The following EFR3B variants were observed in gnomAD, a reference collection of about 807,000 sequenced individuals.
EFR3B encodes the protein protein EFR3 homolog B.
EFR3B carries 64 observed loss-of-function variants against 104.7 expected under a neutral mutation model. The observed-to-expected ratio is 0.61, with a 90% CI of 0.50 to 0.75. The LOEUF is 0.75. EFR3B is among the 30% of genes least tolerant of loss of function. EFR3B has a pLI of 0.00. For missense variants in EFR3B, 750 were observed against 1,078.5 expected, an observed-to-expected ratio of 0.70 and a Z score of 4.27; for synonymous variants, 385 against 417.9, an observed-to-expected ratio of 0.92 and a Z score of 0.96.
rs1301205106 is a variant in EFR3B at position 25,158,074 on chromosome 2, A to C, written c.*3734A>C. 1.3e-5 allele frequency: 2 copies of C among 152,266 alleles called. No individual in the cohort carries two copies. Among genetic ancestry groups the C allele is most frequent in the African/African-American group, 2.4e-5 (1 of 41,464 alleles). The allele number at this position is 152,266 out of a possible 1,614,324, so 9.4% of individuals were successfully genotyped here. On this transcript the variant is annotated 3_prime_UTR_variant, in exon 23 of 23. Coordinates refer to ENST00000403714, the MANE Select transcript of EFR3B (RefSeq NM_014971.2). ...ACACGTTTCAGCTGGACTAAGAATC[A>C]GACTAGCCAGGGGTTCTTCTGAACA...
intron 4 of EFR3B, among the ~76,000 whole-genome samples, chr2:25,112,221 G>A (rs1669741632): frequency 6.6e-6 from 1 of 152,390 alleles, no homozygotes; most frequent in Admixed American, 6.5e-5. Flanking sequence ...ACGGCCCAAG[G>A]CATGGGGCTC....
Position 25,129,794 on chromosome 2 carries a change from A to G in EFR3B, c.636-181A>G, listed in dbSNP as rs1003097798. Among the ~76,000 whole-genome samples, 3 of 152,288 alleles carry G rather than the reference A, an allele frequency of 2.0e-5. No homozygotes were observed. In the East Asian group the frequency reaches 5.8e-4, roughly 29 times the overall value. The stretch of plus-strand genomic sequence containing the variant: ...TCTCCGGTCTTCCCCCACTTCCCCC[A>G]GTGGGGGCTTCTTTACCCCCATTTA... On this transcript the variant is annotated intron_variant, in intron 6 of 22. Transcript: ENST00000403714.
chr2:25,065,568 A>G (rs950625179), intron 1 of EFR3B, among the ~76,000 whole-genome samples: 7 of 151,982 alleles, frequency 4.6e-5, no homozygotes, highest in Non-Finnish European at 8.8e-5. Context: ...TTTCATAGTC[A>G]TTATTCACTT....
In EFR3B at chr2:25,135,571, C is replaced by A. The variant is rs1039216402; in HGVS notation, c.1416C>A (p.Leu472=). 3 of 1,551,906 alleles carry A rather than the reference C, an allele frequency of 1.9e-6. No individual in the cohort carries two copies. In the African/African-American group the frequency reaches 4.1e-5, roughly 21 times the overall value. Reference sequence around the variant, plus strand: ...TCATGGAGGATGCAGAAATTCGACTCTTTGTTCTAGAGATTCTCATCAGTT... The same window carrying A: ...TCATGGAGGATGCAGAAATTCGACTATTTGTTCTAGAGATTCTCATCAGTT... ...TALMEDAEIR[L]FVLEILISFI... The change falls in exon 13 of 23, where the codon CTC becomes CTA. Residue 472 remains leucine (L), a synonymous_variant. Transcript: ENST00000403714.
Position 25,141,386 on chromosome 2 carries a change from A to T in EFR3B, c.1875A>T (p.Lys625Asn). 1.3e-6 allele frequency: 2 copies of T among 1,551,534 alleles called. No homozygotes were observed. The highest frequency in any genetic ancestry group is 1.7e-6 in the Non-Finnish European group (2 of 1,146,906). ...HIHEVIETRK[K>N]EAPYMLPEDV... Reference sequence around the variant, plus strand: ...GCCAGGTGATAGAGACCAGGAAGAAAGAGGCTCCATACATGCTCCCCGAGG... The same window carrying T: ...GCCAGGTGATAGAGACCAGGAAGAATGAGGCTCCATACATGCTCCCCGAGG... The change falls in exon 17 of 23, where the codon AAA becomes AAT. Residue 625 changes from lysine to asparagine, a missense_variant. By Grantham distance (94) the Lys-to-Asn change is moderately conservative. Coordinates refer to ENST00000403714, the MANE Select transcript of EFR3B (RefSeq NM_014971.2).
rs748085410 is a variant in EFR3B at position 25,143,764 on chromosome 2, T to C, written c.1952T>C (p.Ile651Thr). The change falls in exon 18 of 23, where the codon ATT becomes ACT. Residue 651 changes from isoleucine (I) to threonine (T), a missense_variant. By Grantham distance (89) the Ile-to-Thr change is moderately conservative. Transcript: ENST00000403714. ...TCTCAGAATCTTGATGGGGTGGTCATTGAGCTCCTCTTCCGCCAGAGCAAG... is the reference window on the plus strand; with the variant it reads ...TCTCAGAATCTTGATGGGGTGGTCACTGAGCTCCTCTTCCGCCAGAGCAAG... ...RLSQNLDGVV[I>T]ELLFRQSKIS... 39 of 1,551,488 alleles carry C rather than the reference T, an allele frequency of 2.5e-5. No individual in the cohort carries two copies. Among genetic ancestry groups the C allele is most frequent in the South Asian group, 3.6e-5 (3 of 84,054 alleles).
chr2:25,091,408 C>G lies in EFR3B; in HGVS notation c.84+7C>G, dbSNP rs576680095. ...CTTCCCTGAGGATCCCGAGGTGGGT[C>G]ATGTCTCTGGCAGGCATCGTGGCTC... On this transcript the variant is annotated splice_region_variant and intron_variant, in intron 2 of 22. Coordinates refer to ENST00000403714, the MANE Select transcript of EFR3B (RefSeq NM_014971.2). 6.5e-7 allele frequency: 1 copy of G among 1,547,960 alleles called. No individual in the cohort carries two copies. The highest frequency in any genetic ancestry group is 1.4e-5 in the African/African-American group (1 of 72,954).
intron 5 of EFR3B, among the ~76,000 whole-genome samples, chr2:25,124,310 G>C (rs902315148): frequency 1.5e-4 from 22 of 145,832 alleles, no homozygotes; most frequent in African/African-American, 2.0e-4. Flanking sequence ...GTGTGTGTGT[G>C]TGTGTGTGTG....
intron 16 of EFR3B, among the ~76,000 whole-genome samples, chr2:25,139,815 G>A (rs13408745): frequency 0.04 from 6,144 of 152,006 alleles, 411 homozygotes; most frequent in East Asian, 0.3. Flanking sequence ...ATGTATATCC[G>A]TCTGCATGCC....
intron 1 of EFR3B, among the ~76,000 whole-genome samples, chr2:25,066,268 A>G (rs1668335045): frequency 1.3e-5 from 2 of 152,148 alleles, no homozygotes; most frequent in South Asian, 2.1e-4. Context: ...TGCTCCATCC[A>G]TTTATCCACT....
Position 25,070,888 on chromosome 2 carries a change from C to T in EFR3B, c.8-20437C>T, listed in dbSNP as rs77190540. 7.9e-5 allele frequency among the ~76,000 whole-genome samples: 12 copies of T among 152,234 alleles called. No homozygotes were observed. The East Asian group carries it at 2.1e-3, about 27-fold the overall frequency. Reference sequence around the variant, plus strand: ...ATTCGGATTAATGCAGAGATCCGCACGTTAATGGAAATGAAAACAAAGGAG... The same window carrying T: ...ATTCGGATTAATGCAGAGATCCGCATGTTAATGGAAATGAAAACAAAGGAG... On this transcript the variant is annotated intron_variant, in intron 1 of 22. Coordinates refer to ENST00000403714, the MANE Select transcript of EFR3B (RefSeq NM_014971.2).
rs1043240668 is a variant in EFR3B at position 25,154,406 on chromosome 2, G to A, written c.*66G>A. 20 of 1,365,088 alleles carry A rather than the reference G, an allele frequency of 1.5e-5. No individual in the cohort carries two copies. Among genetic ancestry groups the A allele is most frequent in the African/African-American group, 8.7e-5 (6 of 68,682 alleles). 84.6% of individuals were successfully genotyped at this position (1,365,088 alleles called of 1,614,324 possible). ...GAGGGGCTCACCTCACGCCCACCCC[G>A]ACCACATGGAGATCTGGCTGTGATC... On this transcript the variant is annotated 3_prime_UTR_variant, in exon 23 of 23. Transcript: ENST00000403714. The surrounding 1 kb of genome is among the most constrained non-coding windows in gnomAD (Gnocchi z 4.1).
chr2:25,133,526 A>G, intron 12 of EFR3B, 92 bp downstream of exon 12: 12 of 1,316,846 alleles, frequency 9.1e-6, no homozygotes, highest in South Asian at 6.3e-5. Context: ...ACAGTCGTGC[A>G]TGTGGCATAC....
At chr2:25,058,576 T>A (rs1173366323) in intron 1 of EFR3B, among the ~76,000 whole-genome samples, 2 of 152,020 alleles carry the variant, frequency 1.3e-5, no homozygotes, top group Non-Finnish European at 2.9e-5. Flanking sequence ...CTGGCCAACA[T>A]GATAAAACCT....
At chr2:25,132,812 G>A (rs1427560943) in intron 10 of EFR3B, 91 bp from the exon 11 acceptor site, 3 of 1,052,604 alleles carry the variant, frequency 2.9e-6, no homozygotes, top group East Asian at 5.2e-5. Flanking sequence ...CCGGAGAGAG[G>A]CAGCCCTCGC....
chr2:25,128,259 T>C lies in EFR3B; in HGVS notation c.562T>C (p.Trp188Arg). 1 of 1,551,796 alleles carries C rather than the reference T, an allele frequency of 6.4e-7. No individual in the cohort carries two copies. Among genetic ancestry groups the C allele is most frequent in the Non-Finnish European group, 8.7e-7 (1 of 1,147,024 alleles). ...TVNDELQANI[W>R]DPQHMDKIVP... is the part of the protein sequence containing the mutation. ...GAATGATGAACTGCAGGCCAATATC[T>C]GGGACCCACAGCACATGGATAAGAT... The change falls in exon 6 of 23, where the codon TGG becomes CGG. Residue 188 changes from tryptophan (W) to arginine (R), a missense_variant. Physicochemically the swap from Trp to Arg is moderately radical, Grantham distance 101. Transcript: ENST00000403714.
At chr2:25,066,416 CT>C (rs149517183) in intron 1 of EFR3B, among the ~76,000 whole-genome samples, 3,210 of 152,314 alleles carry the variant, frequency 0.021, 105 homozygotes, top group African/African-American at 0.074. Context: ...ACACCTCCAG[CT>C]TTACCAGTGC....
chr2:25,095,871 G>A (rs929993448), intron 3 of EFR3B, among the ~76,000 whole-genome samples: 5 of 152,082 alleles, frequency 3.3e-5, no homozygotes, highest in Admixed American at 6.5e-5. Flanking sequence ...TGCAGAGCAC[G>A]TTGTGTTTGC....
rs992699785 is a variant in EFR3B at position 25,103,540 on chromosome 2, G to A, written c.213-97G>A. 4.8e-6 allele frequency: 7 copies of A among 1,454,142 alleles called. No homozygotes were observed. The African/African-American group carries it at 7.0e-5, about 15-fold the overall frequency. The allele number at this position is 1,454,142 out of a possible 1,614,324, so 90.1% of individuals were successfully genotyped here. A position where few individuals can be genotyped will look rare whatever the true frequency, so the allele number is the denominator to read the frequency against. ...GGGGGAGCCTCATTACCCGGATGCTGCATTGCCCAGGTCACCACACTGACA... is the reference window on the plus strand; with the variant it reads ...GGGGGAGCCTCATTACCCGGATGCTACATTGCCCAGGTCACCACACTGACA... On this transcript the variant is annotated intron_variant, in intron 3 of 22. Transcript: ENST00000403714.
Sources: allele counts gnomAD v4.1 joint callset (sites outside exome capture counted in the v4.1 genomes callset), GRCh38; gene constraint gnomAD v4.1.1; non-coding constraint Gnocchi (gnomAD v3.1); transcripts MANE v1.5; gene names NCBI Gene and HGNC (gene_info 2026-07-23, HGNC 2026-07-21).